The following RAB31 variants were observed in gnomAD, a reference collection of about 807,000 sequenced individuals.
The protein encoded by RAB31 is ras-related protein Rab-31.
In RAB31, 21 loss-of-function variants were observed where a neutral mutation model predicts 25.6. The observed-to-expected ratio is 0.82, with a 90% CI of 0.58 to 1.18. RAB31 has a LOEUF of 1.18. Among genes scored for constraint, RAB31 ranks in the 50% most tolerant of loss-of-function variants. The pLI is 0.00. For missense variants in RAB31, 196 were observed against 250.1 expected (o/e 0.78, Z 1.46); for synonymous variants, 87 against 84.0 (o/e 1.04, Z -0.20).
At chr18:9,713,355 G>A (rs2068027513) in intron 1 of RAB31, among the ~76,000 whole-genome samples, 1 of 152,094 alleles carries the variant, frequency 6.6e-6, no homozygotes, top group South Asian at 2.1e-4. Flanking sequence ...TTTATTTCTT[G>A]GCACAACTGA....
intron 1 of RAB31, among the ~76,000 whole-genome samples, chr18:9,756,925 G>A (rs754631509): frequency 5.3e-5 from 8 of 152,196 alleles, no homozygotes; most frequent in Non-Finnish European, 1.0e-4. Flanking sequence ...GGCTCCAGTT[G>A]TATAAGTTTA....
Position 9,770,818 on chromosome 18 carries a change from A to C in RAB31, c.40-4460A>C, listed in dbSNP as rs1163076173. Among the ~76,000 whole-genome samples, 4 of 151,146 alleles carry C rather than the reference A, an allele frequency of 2.6e-5. No homozygotes were observed. The East Asian group carries it at 7.7e-4, about 29-fold the overall frequency. On this transcript the variant is annotated intron_variant, in intron 1 of 6. Transcript: ENST00000578921. Reference sequence around the variant, plus strand: ...GCTATGCAACGTGAAACCAGAAAGCACTAGTAAAGTACTTGTGAGTTCTAG... The same window carrying C: ...GCTATGCAACGTGAAACCAGAAAGCCCTAGTAAAGTACTTGTGAGTTCTAG...
chr18:9,768,026 G>A (rs563760526), intron 1 of RAB31, among the ~76,000 whole-genome samples: 14 of 152,126 alleles, frequency 9.2e-5, no homozygotes, highest in South Asian at 6.2e-4. Context: ...AGCTTCATCC[G>A]TGTCCCTGCA....
intron 2 of RAB31, among the ~76,000 whole-genome samples, chr18:9,789,961 G>C (rs939049176): frequency 6.6e-6 from 1 of 152,046 alleles, no homozygotes; most frequent in African/African-American, 2.4e-5. Context: ...TTTCTACTTG[G>C]GACTTCGGTA....
At chr18:9,815,366 C>T in intron 5 of RAB31, 144 bp downstream of exon 5, 1 of 110,056 alleles carries the variant, frequency 9.1e-6, no homozygotes, top group Non-Finnish European at 1.5e-5. Flanking sequence ...AGATGCTGTC[C>T]TCCATCCCTG....
At chr18:9,833,106 A>G (rs1194551436) in intron 5 of RAB31, among the ~76,000 whole-genome samples, 1 of 152,138 alleles carries the variant, frequency 6.6e-6, no homozygotes, top group Admixed American at 6.5e-5. Context: ...ATGACCCAAG[A>G]CCTGGCCCAG....
At chr18:9,821,361 G>C (rs956246058) in intron 5 of RAB31, among the ~76,000 whole-genome samples, 4 of 152,074 alleles carry the variant, frequency 2.6e-5, no homozygotes, top group Non-Finnish European at 4.4e-5. Flanking sequence ...GTCTAAGGTT[G>C]AGGGCCCTCT....
chr18:9,801,667 G>A (rs142253186), intron 3 of RAB31, among the ~76,000 whole-genome samples: 8 of 152,300 alleles, frequency 5.3e-5, no homozygotes, highest in African/African-American at 1.9e-4. Flanking sequence ...AGCATTTAGA[G>A]GAACTGCCAA....
At chr18:9,709,107 G>A (rs1425975208) in intron 1 of RAB31, among the ~76,000 whole-genome samples, 1 of 152,188 alleles carries the variant, frequency 6.6e-6, no homozygotes, top group African/African-American at 2.4e-5. Flanking sequence ...GAAGCTGCCT[G>A]GGAAAGTCCT....
At chr18:9,782,170 C>T (rs986738889) in intron 2 of RAB31, among the ~76,000 whole-genome samples, 9 of 152,220 alleles carry the variant, frequency 5.9e-5, no homozygotes, top group Non-Finnish European at 1.3e-4. Context: ...ACGTTCACAC[C>T]TAGCCTGCTT....
Position 9,766,018 on chromosome 18 carries a change from T to C in RAB31, c.40-9260T>C, listed in dbSNP as rs1043835296. 2.6e-5 allele frequency among the ~76,000 whole-genome samples: 4 copies of C among 152,072 alleles called. No individual in the cohort carries two copies. The highest frequency in any genetic ancestry group is 9.7e-5 in the African/African-American group (4 of 41,396). ...CTTAGGCAAAGCTTCAAAAAAGTGC[T>C]TTGTGGGTTAATATGGAATTTGTGC... is the stretch of plus-strand genomic sequence containing the variant. On this transcript the variant is annotated intron_variant, in intron 1 of 6. Transcript: ENST00000578921. This position sits in a 1 kb window ranked among gnomAD's most constrained non-coding sequence, Gnocchi z 4.3.
At chr18:9,743,898 G>A (rs968874645) in intron 1 of RAB31, among the ~76,000 whole-genome samples, 3 of 152,192 alleles carry the variant, frequency 2.0e-5, no homozygotes, top group Non-Finnish European at 4.4e-5. Flanking sequence ...ATGGGCAGCT[G>A]ACTCACTTCA....
At chr18:9,755,759 C>G (rs1441784390) in intron 1 of RAB31, among the ~76,000 whole-genome samples, 8 of 152,206 alleles carry the variant, frequency 5.3e-5, no homozygotes, top group Admixed American at 5.2e-4. Flanking sequence ...CACACCCCCT[C>G]TCTCCTTTGA....
At chr18:9,745,197 A>G (rs1277890904) in intron 1 of RAB31, among the ~76,000 whole-genome samples, 3 of 152,246 alleles carry the variant, frequency 2.0e-5, no homozygotes, top group Non-Finnish European at 4.4e-5. Context: ...CAGGTTAGAT[A>G]ACCTAGAAGA....
chr18:9,734,147 G>T, intron 1 of RAB31, among the ~76,000 whole-genome samples: 1 of 149,960 alleles, frequency 6.7e-6, no homozygotes, highest in South Asian at 2.1e-4. Flanking sequence ...CTAAGGTCAT[G>T]CACTCAGGTC....
At chr18:9,751,280 A>T (rs1346967293) in intron 1 of RAB31, among the ~76,000 whole-genome samples, 1 of 152,056 alleles carries the variant, frequency 6.6e-6, no homozygotes, top group Non-Finnish European at 1.5e-5. Flanking sequence ...GGCCTAAGTG[A>T]TCCTCCTGCC....
chr18:9,767,131 C>A (rs1240672706), intron 1 of RAB31, among the ~76,000 whole-genome samples: 2 of 152,336 alleles, frequency 1.3e-5, no homozygotes, highest in African/African-American at 4.8e-5. Context: ...TATCAGTGAT[C>A]CCCAATGGGA....
intron 1 of RAB31, among the ~76,000 whole-genome samples, chr18:9,747,091 A>G (rs2068209607): frequency 6.6e-6 from 1 of 152,244 alleles, no homozygotes; most frequent in South Asian, 2.1e-4. Flanking sequence ...CAGTTAAGCA[A>G]TGAGCAAAGG....
At chr18:9,758,942 C>T (rs147826383) in intron 1 of RAB31, among the ~76,000 whole-genome samples, 6 of 152,208 alleles carry the variant, frequency 3.9e-5, no homozygotes, top group Non-Finnish European at 5.9e-5. Context: ...ATTCAACCAG[C>T]GTGCTCTGTT....
Sources: gnomAD v4.1 joint callset for allele counts (sites outside exome capture counted in the v4.1 genomes callset) on GRCh38, gnomAD v4.1.1 for gene constraint, Gnocchi (gnomAD v3.1) non-coding constraint, MANE v1.5 for transcripts, NCBI Gene and HGNC (gene_info 2026-07-23, HGNC 2026-07-21) for gene names.